The following ZFYVE26 variants were observed in gnomAD, a reference collection of about 807,000 sequenced individuals.
ZFYVE26 encodes zinc finger FYVE domain-containing protein 26.
Under a neutral mutation model 276.5 loss-of-function variants are expected in ZFYVE26, and 181 were observed. The ratio of observed to expected loss-of-function variants is 0.65; its 90% CI spans 0.58 to 0.74. ZFYVE26 has a LOEUF of 0.74. ZFYVE26 is among the 30% of genes least tolerant of loss of function. ZFYVE26 has a pLI of 0.00. For synonymous variants in ZFYVE26, 1,129 were observed against 1,203.1 expected, an observed-to-expected ratio of 0.94 and a Z score of 1.27; for missense variants, 2,821 against 3,097.9, an observed-to-expected ratio of 0.91 and a Z score of 2.12.
intron 27 of ZFYVE26, among the ~76,000 whole-genome samples, chr14:67,773,644 T>C (rs2039270156): frequency 1.3e-5 from 2 of 151,878 alleles, no homozygotes; most frequent in Admixed American, 1.3e-4. Context: ...GCTCATATAC[T>C]TGCAAGGCTG....
intron 4 of ZFYVE26, 87 bp downstream of exon 4, chr14:67,809,113 G>A: frequency 8.7e-7 from 1 of 1,152,924 alleles, no homozygotes. Flanking sequence ...GCAACATCTT[G>A]GAGACCTCTC....
intron 35 of ZFYVE26, among the ~76,000 whole-genome samples, chr14:67,757,629 C>G (rs1234939855): frequency 6.8e-6 from 1 of 146,758 alleles, no homozygotes; most frequent in Non-Finnish European, 1.5e-5. Flanking sequence ...TACTATGGGG[C>G]AGATATTTTT....
intron 6 of ZFYVE26, among the ~76,000 whole-genome samples, chr14:67,806,085 C>G (rs908839081): frequency 6.6e-6 from 1 of 152,170 alleles, no homozygotes; most frequent in Non-Finnish European, 1.5e-5. Flanking sequence ...AAACACTAGA[C>G]TGTGAGCTCC....
rs1425386776 is a variant in ZFYVE26, at chr14:67,747,019, G to A, written c.*1417C>T. 6.6e-6 allele frequency: 1 copy of A among 152,600 alleles called. No individual in the cohort carries two copies. Among genetic ancestry groups the A allele is most frequent in the African/African-American group, 2.4e-5 (1 of 41,436 alleles). 9.5% of individuals were successfully genotyped at this position (152,600 alleles called of 1,614,324 possible). On this transcript the variant is annotated 3_prime_UTR_variant, in exon 42 of 42. Coordinates refer to ENST00000347230, the MANE Select transcript of ZFYVE26 (RefSeq NM_015346.4). ...ATCTTGGTTCAGAGGGAAATCCACA[G>A]GGTTTCTGAGCACCAGAGACACTGA...
intron 27 of ZFYVE26, among the ~76,000 whole-genome samples, chr14:67,773,902 C>T (rs993696985): frequency 2.0e-5 from 3 of 152,076 alleles, no homozygotes; most frequent in Non-Finnish European, 4.4e-5. Context: ...GAGCTTCTTT[C>T]GAGAGTAGGC....
At chr14:67,798,913 G>A (rs1315267652) in intron 10 of ZFYVE26, 3 of 991,072 alleles carry the variant, frequency 3.0e-6, no homozygotes, top group Admixed American at 2.0e-5. Context: ...CGGGGAGGGC[G>A]CTGAGCTCCG....
At chr14:67,736,431 C>T (rs1404107291) in intron 13 of ZFYVE26, among the ~76,000 whole-genome samples, 2 of 152,124 alleles carry the variant, frequency 1.3e-5, no homozygotes, top group African/African-American at 4.8e-5. Flanking sequence ...ATAAGTGGTG[C>T]TGGACAAATA....
chr14:67,730,014 T>C (rs1233772132), intron 13 of ZFYVE26, among the ~76,000 whole-genome samples: 1 of 152,216 alleles, frequency 6.6e-6, no homozygotes, highest in African/African-American at 2.4e-5. Context: ...CGTGAAGCAC[T>C]GGAAATAGTC....
In ZFYVE26 at chr14:67,756,141, C is replaced by T; in HGVS notation, c.6593G>A (p.Ser2198Asn). Residue 2198 changes from serine (S) to asparagine (N), a missense_variant, in exon 36 of 42, where the codon AGT (serine) becomes AAT (asparagine). Physicochemically the swap from Ser to Asn is conservative, Grantham distance 46. Transcript: ENST00000347230. Reference protein sequence around the residue: ...EALLHLLNKESPPEVFIEGIF... With the variant: ...EALLHLLNKENPPEVFIEGIF... ...GCCTTCTATAAAAACTTCTGGAGGA[C>T]TCTCCTGGAGCAGGGCAGGGCGAGA... 1 of 1,614,070 alleles carries T rather than the reference C, an allele frequency of 6.2e-7. No homozygotes were observed. Among genetic ancestry groups the T allele is most frequent in the Non-Finnish European group, 8.5e-7 (1 of 1,179,934 alleles).
chr14:67,756,452 C>A (rs1381364827), intron 35 of ZFYVE26: 2 of 434,800 alleles, frequency 4.6e-6, no homozygotes, highest in Admixed American at 3.6e-5. Flanking sequence ...ATTGAAACTG[C>A]CCCTTAGGTC....
At position 67,798,442 on chromosome 14, in the gene ZFYVE26, C is replaced by T. The variant is rs1320659863; in HGVS notation, c.1820G>A (p.Gly607Glu). The T allele has an allele frequency of 6.2e-7, 1 of 1,614,028 alleles. No homozygotes were observed. The highest frequency in any genetic ancestry group is 1.7e-5 in the Admixed American group (1 of 59,996). Residue 607 changes from glycine (G) to glutamate (E), a missense_variant, in exon 11 of 42, where the codon GGG (glycine) becomes GAG (glutamate). Transcript: ENST00000347230. Reference protein sequence around the residue: ...EDYAEDDDIEGKSPSGLRSPS... With the variant: ...EDYAEDDDIEEKSPSGLRSPS... ...GGACCTCAAACCTGAGGGGCTCTTC[C>T]CCTCAATGTCATCATCCTCAGCATA...
rs370259897 is a variant in ZFYVE26, at chr14:67,813,991, C to T, written c.268G>A (p.Glu90Lys). Residue 90 changes from glutamate to lysine, a missense_variant, in exon 3 of 42, where the codon GAA (glutamate) becomes AAA (lysine). Glu to Lys is a moderately conservative substitution (Grantham distance 56). Coordinates refer to ENST00000347230, the MANE Select transcript of ZFYVE26 (RefSeq NM_015346.4). ...TTTAATATAAACCTACTTACCTTTT[C>T]CCGGGCCAACCATTTCTCCAGTACA... The part of the protein sequence containing the change: ...LLVLEKWLAR[E>K]KKLLPVVFRR... The T allele has an allele frequency of 1.9e-6, 3 of 1,613,340 alleles. No individual in the cohort carries two copies. The highest frequency in any genetic ancestry group is 2.5e-6 in the Non-Finnish European group (3 of 1,179,418).
In ZFYVE26 at chr14:67,785,285, G is replaced by A; in HGVS notation, c.3305-8C>T. 2 of 1,586,886 alleles carry A rather than the reference G, an allele frequency of 1.3e-6. No individual in the cohort carries two copies. Among genetic ancestry groups the A allele is most frequent in the Non-Finnish European group, 1.7e-6 (2 of 1,166,782 alleles). ...GTGGAGGAGTCCTGGGCTCTGAGAGGAGGATGGCAGGAGAAAGGACACAGG... is the reference window on the plus strand; with the variant it reads ...GTGGAGGAGTCCTGGGCTCTGAGAGAAGGATGGCAGGAGAAAGGACACAGG... On this transcript the variant is annotated splice_region_variant and splice_polypyrimidine_tract_variant and intron_variant, in intron 18 of 41. Coordinates refer to ENST00000347230, the MANE Select transcript of ZFYVE26 (RefSeq NM_015346.4).
At chr14:67,754,716 C>T (rs1164452944) in intron 37 of ZFYVE26, among the ~76,000 whole-genome samples, 3 of 152,064 alleles carry the variant, frequency 2.0e-5, no homozygotes, top group Non-Finnish European at 4.4e-5. Flanking sequence ...CCTGAGGAGG[C>T]CAGGGATCGA....
At chr14:67,742,782 GTTCC>G (rs1369608180), downstream of ZFYVE26, among the ~76,000 whole-genome samples, 1 of 146,424 alleles carries the variant, frequency 6.8e-6, no homozygotes, top group Non-Finnish European at 1.5e-5. Context: ...TCAGCACAGA[GTTCC>G]TTCCTTCCTT....
intron 5 of ZFYVE26, among the ~76,000 whole-genome samples, 156 bp from the exon 6 acceptor site, chr14:67,806,831 C>G (rs2040190928): frequency 6.6e-6 from 1 of 152,188 alleles, no homozygotes; most frequent in East Asian, 1.9e-4. Context: ...AGAATCTTTA[C>G]TTCCCTTGGG....
chr14:67,809,244 A>G lies in ZFYVE26; in HGVS notation c.319T>C (p.Leu107=), dbSNP rs1475441803. ...VFRRKLEFLL[L]SEDLQGDIPE... The stretch of plus-strand genomic sequence containing the variant: ...ATGTCACCTTGGAGGTCTTCTGACA[A>G]TAAAAGAAACTCAAGCTTTCTCCGG... Residue 107 remains leucine, a synonymous_variant, in exon 4 of 42, where the codon TTG becomes CTG. Transcript: ENST00000347230. The G allele has an allele frequency of 1.2e-6, 2 of 1,614,128 alleles. No individual in the cohort carries two copies. Among genetic ancestry groups the G allele is most frequent in the Admixed American group, 1.7e-5 (1 of 60,008 alleles).
At chr14:67,775,271 T>A (rs867498386) in intron 26 of ZFYVE26, among the ~76,000 whole-genome samples, 157 bp from the exon 27 acceptor site, 1 of 152,172 alleles carries the variant, frequency 6.6e-6, no homozygotes, top group East Asian at 1.9e-4. Flanking sequence ...TCTAAGCCCA[T>A]AGCACGCATG....
chr14:67,809,408 CTTTTTTTTTTTTTTTTTT>C (rs10580613), intron 3 of ZFYVE26, 119 bp from the exon 4 acceptor site: 10,709 of 213,510 alleles, frequency 0.05, 408 homozygotes, highest in East Asian at 0.24. Flanking sequence ...ATGAAGCACT[CTTTTTTTTTTTTTTTTTT>C]TTTTTTTTTA....
Sources: gnomAD v4.1 joint callset for allele counts (sites outside exome capture counted in the v4.1 genomes callset) on GRCh38, gnomAD v4.1.1 for gene constraint, MANE v1.5 for transcripts, NCBI Gene and HGNC (gene_info 2026-07-23, HGNC 2026-07-21) for gene names.